ADAM23: variants seen among roughly 807,000 people sequenced by gnomAD.
ADAM23 encodes ADAM metallopeptidase domain 23, also known as disintegrin and metalloproteinase domain-containing protein 23.
ADAM23 carries 33 observed loss-of-function variants against 120.1 expected under a neutral mutation model. The ratio of observed to expected loss-of-function variants is 0.27; its 90% CI spans 0.21 to 0.37. The LOEUF (loss-of-function observed/expected upper bound fraction) is 0.37, where lower values mean the gene tolerates loss of function less well. Among genes scored for constraint, ADAM23 ranks in the 10% least tolerant of loss-of-function variants. The pLI, the probability that ADAM23 is intolerant of heterozygous loss-of-function variation, is 1.00. For missense variants in ADAM23, 862 were observed against 1,058.2 expected, an observed-to-expected ratio of 0.81 and a Z score of 2.57; for synonymous variants, 367 against 375.2, an observed-to-expected ratio of 0.98 and a Z score of 0.25.
chr2:206,567,096 G>T (rs182028445), intron 14 of ADAM23, 127 bp from the exon 15 acceptor site: 10 of 715,804 alleles, frequency 1.4e-5, no homozygotes, highest in Middle Eastern at 7.0e-4. Flanking sequence ...TAAGTCCCTT[G>T]TCAAAATTTG....
intron 4 of ADAM23, among the ~76,000 whole-genome samples, chr2:206,540,261 A>G (rs1213433244): frequency 2.8e-5 from 4 of 144,524 alleles, no homozygotes; most frequent in Non-Finnish European, 6.1e-5. Flanking sequence ...ACACACACAC[A>G]CACACACAGT....
chr2:206,593,557 C>T (rs1559280925), intron 22 of ADAM23, among the ~76,000 whole-genome samples: 4 of 149,308 alleles, frequency 2.7e-5, no homozygotes, highest in Admixed American at 1.3e-4. Context: ...CAAATGGTTA[C>T]TTTTTTTTTT....
intron 6 of ADAM23, 62 bp from the exon 7 acceptor site, chr2:206,547,367 C>T (rs1697419622): frequency 1.4e-6 from 2 of 1,386,260 alleles, no homozygotes; most frequent in African/African-American, 2.9e-5. Flanking sequence ...AGTTCCAACA[C>T]TGTTTCATAG....
At chr2:206,528,602 T>G (rs1696987352) in intron 3 of ADAM23, among the ~76,000 whole-genome samples, 1 of 152,188 alleles carries the variant, frequency 6.6e-6, no homozygotes, top group African/African-American at 2.4e-5. Flanking sequence ...TTTCCAGCCC[T>G]CTTCACTGGA....
At chr2:206,544,068 A>G (rs1444946324) in intron 6 of ADAM23, among the ~76,000 whole-genome samples, 1 of 152,172 alleles carries the variant, frequency 6.6e-6, no homozygotes, top group Non-Finnish European at 1.5e-5. Flanking sequence ...AATCACCACT[A>G]AAGAACTTAT....
intron 22 of ADAM23, 110 bp downstream of exon 22, chr2:206,592,846 G>T: frequency 7.5e-7 from 1 of 1,330,154 alleles, no homozygotes; most frequent in Middle Eastern, 2.5e-4. Flanking sequence ...TTTACAAGAG[G>T]AAAGTTAATT....
chr2:206,570,181 C>T (rs2105829906), intron 15 of ADAM23, among the ~76,000 whole-genome samples: 1 of 152,320 alleles, frequency 6.6e-6, no homozygotes, highest in Admixed American at 6.5e-5. Flanking sequence ...TATATCCATA[C>T]ATGTGTCTTA....
At position 206,478,910 on chromosome 2, in the gene ADAM23, C is replaced by T. The variant is rs181143510; in HGVS notation, c.433-2322C>T. The stretch of plus-strand genomic sequence containing the variant: ...GCACCTTGTCAGTGGATCCTTTCTG[C>T]ACCTCTCTGTGCCTGGATGGGGTTC... On this transcript the variant is annotated intron_variant, in intron 2 of 25. Coordinates refer to ENST00000264377, the MANE Select transcript of ADAM23 (RefSeq NM_003812.4). Among the ~76,000 whole-genome samples, 746 of 152,292 alleles carry T rather than the reference C, an allele frequency of 4.9e-3. 3 individuals carry two copies. Among genetic ancestry groups the T allele is most frequent in the Middle Eastern group, 0.014 (4 of 294 alleles).
chr2:206,585,702 C>T (rs1698308230), intron 18 of ADAM23, among the ~76,000 whole-genome samples: 2 of 151,982 alleles, frequency 1.3e-5, no homozygotes, highest in African/African-American at 4.8e-5. Flanking sequence ...ACTAGGGCAG[C>T]AGTAAGGAAC....
intron 3 of ADAM23, among the ~76,000 whole-genome samples, chr2:206,491,222 A>T (rs1052342239): frequency 6.6e-6 from 1 of 152,034 alleles, no homozygotes; most frequent in Non-Finnish European, 1.5e-5. Flanking sequence ...GAGATTAAGC[A>T]CCAGGCTAGA....
chr2:206,480,610 G>A (rs1033337601), intron 2 of ADAM23, among the ~76,000 whole-genome samples: 2 of 151,950 alleles, frequency 1.3e-5, no homozygotes, highest in African/African-American at 2.4e-5. Flanking sequence ...TAGGATTCAT[G>A]TTTAGATGGA....
At chr2:206,616,658 C>G (rs758155998) in intron 25 of ADAM23, among the ~76,000 whole-genome samples, 3 of 151,910 alleles carry the variant, frequency 2.0e-5, no homozygotes, top group Non-Finnish European at 4.4e-5. Context: ...GGCCCTCAGT[C>G]GGTGGGCAGG....
chr2:206,517,224 G>T (rs2105787211), intron 3 of ADAM23, among the ~76,000 whole-genome samples: 1 of 152,152 alleles, frequency 6.6e-6, no homozygotes, highest in Admixed American at 6.5e-5. Flanking sequence ...TGGGCTGACT[G>T]CCTGGGATTG....
chr2:206,575,743 T>C (rs1378391989), intron 18 of ADAM23, among the ~76,000 whole-genome samples: 13 of 152,178 alleles, frequency 8.5e-5, no homozygotes, highest in Admixed American at 8.5e-4. Context: ...AGAAGGACAA[T>C]GTATGGCACG....
intron 3 of ADAM23, among the ~76,000 whole-genome samples, chr2:206,526,141 TACACACACACACACAC>T (rs59684611): frequency 1.2e-4 from 17 of 145,784 alleles, no homozygotes; most frequent in African/African-American, 4.1e-4. Flanking sequence ...TTCCAACAAA[TACACACACACACACAC>T]ACACACACAC....
At chr2:206,501,458 T>C (rs1461974433) in intron 3 of ADAM23, among the ~76,000 whole-genome samples, 1 of 152,142 alleles carries the variant, frequency 6.6e-6, no homozygotes, top group East Asian at 1.9e-4. Context: ...CAGCACCTCC[T>C]GGAAATTGGT....
chr2:206,584,742 A>G (rs766504647), intron 18 of ADAM23, among the ~76,000 whole-genome samples: 3 of 152,072 alleles, frequency 2.0e-5, no homozygotes, highest in African/African-American at 4.8e-5. Context: ...CCCTCCCCCA[A>G]GTTATGGCCA....
At chr2:206,578,384 T>C (rs932923971) in intron 18 of ADAM23, among the ~76,000 whole-genome samples, 3 of 147,216 alleles carry the variant, frequency 2.0e-5, no homozygotes, top group Admixed American at 6.8e-5. Context: ...CCAAAGTCCA[T>C]TGTATCATTA....
chr2:206,498,873 T>C (rs575069088), intron 3 of ADAM23, among the ~76,000 whole-genome samples: 1 of 152,326 alleles, frequency 6.6e-6, no homozygotes, highest in Admixed American at 6.5e-5. Flanking sequence ...AAGATATTTA[T>C]GCAGCCAAAA....
Sources: allele counts gnomAD v4.1 joint callset (sites outside exome capture counted in the v4.1 genomes callset), GRCh38; gene constraint gnomAD v4.1.1; transcripts MANE v1.5; gene names NCBI Gene and HGNC (gene_info 2026-07-23, HGNC 2026-07-21).